SLC12A8: variants seen among roughly 807,000 people sequenced by gnomAD.
SLC12A8 encodes the protein solute carrier family 12 member 8, also known as cation-chloride cotransporter 9.
Under a neutral mutation model 75.6 loss-of-function variants are expected in SLC12A8, and 69 were observed. That is an observed-to-expected ratio of 0.91 (90% CI 0.75 to 1.11). The LOEUF (loss-of-function observed/expected upper bound fraction) is 1.11. Among genes scored for constraint, SLC12A8 ranks in the 50% most tolerant of loss-of-function variants. SLC12A8 has a pLI of 0.00. For missense variants in SLC12A8, 877 were observed against 896.7 expected, an observed-to-expected ratio of 0.98 and a Z score of 0.28; for synonymous variants, 365 against 372.8, an observed-to-expected ratio of 0.98 and a Z score of 0.24.
In SLC12A8 at chr3:125,107,793, G is replaced by A. The variant is rs751640060; in HGVS notation, c.1393C>T (p.Leu465Phe). Reference sequence around the variant, plus strand: ...TCAAGCTTCCTGGTTAGCTGGAGGAGCTGATCCATGTCCTTGGTGAATTCC... The same window carrying A: ...TCAAGCTTCCTGGTTAGCTGGAGGAACTGATCCATGTCCTTGGTGAATTCC... ...LLEFTKDMDQ[L>F]LQLTRKLESS... The change falls in exon 10 of 14, where the codon CTC becomes TTC. Residue 465 changes from leucine to phenylalanine, a missense_variant. Physicochemically the swap from Leu to Phe is conservative, Grantham distance 22 (BLOSUM62 0). Coordinates refer to ENST00000469902, the MANE Select transcript of SLC12A8 (RefSeq NM_024628.6). 3 of 1,614,190 alleles carry A rather than the reference G, an allele frequency of 1.9e-6. No individual in the cohort carries two copies. In the South Asian group the frequency reaches 3.3e-5, roughly 18 times the overall value.
At position 125,110,240 on chromosome 3, in the gene SLC12A8, C is replaced by T; in HGVS notation, c.1008G>A (p.Gln336=). ...GGATCACTTTCTCCTGGGCAATGCA[C>T]TGCAGGATGCGGGGAGCTCCATAAA... ...GGLYGAPRIL[Q]CIAQEKVIPA... is the part of the protein sequence containing the mutation. The change falls in exon 9 of 14, where the codon CAG becomes CAA. Residue 336 remains glutamine (Q), a synonymous_variant. Transcript: ENST00000469902. 1 of 1,614,088 alleles carries T rather than the reference C, an allele frequency of 6.2e-7. No homozygotes were observed. Among genetic ancestry groups the T allele is most frequent in the South Asian group, 1.1e-5 (1 of 91,080 alleles).
intron 5 of SLC12A8, among the ~76,000 whole-genome samples, chr3:125,150,667 C>T (rs1449668045): frequency 2.0e-5 from 3 of 152,148 alleles, no homozygotes; most frequent in Admixed American, 6.5e-5. Context: ...AGCTTCTGGT[C>T]CCACAGGTCA....
At chr3:125,156,325 C>T (rs768085992) in intron 5 of SLC12A8, among the ~76,000 whole-genome samples, 1 of 152,166 alleles carries the variant, frequency 6.6e-6, no homozygotes, top group African/African-American at 2.4e-5. Context: ...GACATGGTGC[C>T]GGCTGCTTCG....
chr3:125,196,381 T>C (rs1264332441), intron 2 of SLC12A8, among the ~76,000 whole-genome samples: 2 of 152,176 alleles, frequency 1.3e-5, no homozygotes, highest in Non-Finnish European at 2.9e-5. Flanking sequence ...ATTTGGGTAT[T>C]TGTAGGAGTA....
intron 5 of SLC12A8, among the ~76,000 whole-genome samples, chr3:125,140,371 G>A (rs1378002790): frequency 1.3e-5 from 2 of 152,176 alleles, no homozygotes. Context: ...TTCACCCACT[G>A]CCTCTCCCGG....
chr3:125,181,786 A>T (rs1027259946), intron 4 of SLC12A8, among the ~76,000 whole-genome samples: 2 of 151,648 alleles, frequency 1.3e-5, no homozygotes, highest in Non-Finnish European at 2.9e-5. Context: ...TGATCTTTTA[A>T]AAAAAAATTA....
At chr3:125,150,751 G>A (rs182872050) in intron 5 of SLC12A8, among the ~76,000 whole-genome samples, 9 of 152,236 alleles carry the variant, frequency 5.9e-5, no homozygotes, top group Admixed American at 4.6e-4. Context: ...CAAGGGCACC[G>A]CAAGACGAGG....
chr3:125,148,629 C>G (rs1430377415), intron 5 of SLC12A8, among the ~76,000 whole-genome samples: 1 of 152,192 alleles, frequency 6.6e-6, no homozygotes, highest in Non-Finnish European at 1.5e-5. Flanking sequence ...TCTGGGTTCA[C>G]TCCCACCCCC....
chr3:125,160,233 C>T lies in SLC12A8; in HGVS notation c.622+17510G>A, dbSNP rs548334798. On this transcript the variant is annotated intron_variant, in intron 5 of 13. Coordinates refer to ENST00000469902, the MANE Select transcript of SLC12A8 (RefSeq NM_024628.6). ...TGCTGGGATTACAGGGGTGAGCCACCGCACCCAGTGCGACTTGGTTCTCAA... is the reference window on the plus strand; with the variant it reads ...TGCTGGGATTACAGGGGTGAGCCACTGCACCCAGTGCGACTTGGTTCTCAA... 8.5e-5 allele frequency among the ~76,000 whole-genome samples: 13 copies of T among 152,332 alleles called. No homozygotes were observed. The South Asian group carries it at 1.9e-3, about 22-fold the overall frequency.
At chr3:125,194,746 T>C (rs1934973546) in intron 2 of SLC12A8, among the ~76,000 whole-genome samples, 1 of 152,242 alleles carries the variant, frequency 6.6e-6, no homozygotes, top group South Asian at 2.1e-4. Context: ...AGACCCAGCC[T>C]GCCCCTTTCT....
At chr3:125,178,065 C>A in intron 4 of SLC12A8, 91 bp from the exon 5 acceptor site, 2 of 1,039,470 alleles carry the variant, frequency 1.9e-6, no homozygotes, top group Non-Finnish European at 2.9e-6. Flanking sequence ...CCTGCACCCC[C>A]ATCGGACACA....
chr3:125,143,917 T>A (rs1195131761), intron 5 of SLC12A8, among the ~76,000 whole-genome samples: 1 of 152,238 alleles, frequency 6.6e-6, no homozygotes, highest in Non-Finnish European at 1.5e-5. Context: ...TAAGGATTCC[T>A]CATTTGTGAA....
intron 5 of SLC12A8, among the ~76,000 whole-genome samples, chr3:125,163,864 T>G (rs1487954493): frequency 6.6e-6 from 1 of 152,212 alleles, no homozygotes; most frequent in Non-Finnish European, 1.5e-5. Context: ...TCACCCTGTG[T>G]GCTCCAGGAG....
chr3:125,133,351 ACACACACACACG>A (rs1317755027), intron 6 of SLC12A8, among the ~76,000 whole-genome samples: 1 of 147,892 alleles, frequency 6.8e-6, no homozygotes, highest in Non-Finnish European at 1.5e-5. Context: ...GAATACACAC[ACACACACACACG>A]CACACACACA....
At chr3:125,161,181 C>T (rs1934160188) in intron 5 of SLC12A8, among the ~76,000 whole-genome samples, 1 of 152,210 alleles carries the variant, frequency 6.6e-6, no homozygotes. Context: ...AAGCTAGTTC[C>T]TATTCTAGAC....
rs1939162647 is a variant in SLC12A8 at position 125,110,606 on chromosome 3, T to G, written c.913-271A>C. ...GCAGGGCTTGCTAAACACAAACTTCTGGGCCCCTCCTCAGAGTTCCTGGTT... is the reference window on the plus strand; with the variant it reads ...GCAGGGCTTGCTAAACACAAACTTCGGGGCCCCTCCTCAGAGTTCCTGGTT... On this transcript the variant is annotated intron_variant, in intron 8 of 13. Coordinates refer to ENST00000469902, the MANE Select transcript of SLC12A8 (RefSeq NM_024628.6). 1.5e-5 allele frequency: 4 copies of G among 270,744 alleles called. No individual in the cohort carries two copies. The South Asian group carries it at 4.9e-4, about 33-fold the overall frequency. The allele number at this position is 270,744 out of a possible 1,614,324, so 16.8% of individuals were successfully genotyped here. A position where few individuals can be genotyped will look rare whatever the true frequency, so the allele number is the denominator to read the frequency against.
chr3:125,187,344 C>A lies in SLC12A8; in HGVS notation c.283G>T (p.Val95Phe). The A allele has an allele frequency of 6.2e-7, 1 of 1,614,200 alleles. No individual in the cohort carries two copies. Among genetic ancestry groups the A allele is most frequent in the Non-Finnish European group, 8.5e-7 (1 of 1,180,052 alleles). The change falls in exon 4 of 14, where the codon GTC becomes TTC. Residue 95 changes from valine to phenylalanine, a missense_variant. Physicochemically the swap from Val to Phe is conservative, Grantham distance 50. Coordinates refer to ENST00000469902, the MANE Select transcript of SLC12A8 (RefSeq NM_024628.6). The stretch of plus-strand genomic sequence containing the variant: ...CTGCCGATGCTGCTGCGCTCCCCGA[C>A]GCCAATGCCAGACAGCACCGTGACG... ...ALVTVLSGIG[V>F]GERSSIGSGG...
intron 5 of SLC12A8, among the ~76,000 whole-genome samples, chr3:125,163,892 T>C (rs1425635745): frequency 6.6e-6 from 1 of 152,224 alleles, no homozygotes; most frequent in Non-Finnish European, 1.5e-5. Context: ...TGAGGCCCTG[T>C]GGGCTGAGCT....
chr3:125,145,603 G>T (rs1933752512), intron 5 of SLC12A8, among the ~76,000 whole-genome samples: 1 of 152,104 alleles, frequency 6.6e-6, no homozygotes, highest in African/African-American at 2.4e-5. Flanking sequence ...TATCCACAGG[G>T]CATCCTTTCC....
Sources: gnomAD v4.1 joint callset for allele counts (sites outside exome capture counted in the v4.1 genomes callset) on GRCh38, gnomAD v4.1.1 for gene constraint, MANE v1.5 for transcripts, NCBI Gene and HGNC (gene_info 2026-07-23, HGNC 2026-07-21) for gene names.